Variants in NIPSNAP3B observed in about 807,000 individuals in gnomAD.
The protein encoded by NIPSNAP3B is protein NipSnap homolog 3B.
In NIPSNAP3B, 30 loss-of-function variants were observed where a neutral mutation model predicts 31.5. That is an observed-to-expected ratio of 0.95 (90% CI 0.71 to 1.29). The LOEUF (loss-of-function observed/expected upper bound fraction) is 1.29, where lower values mean the gene tolerates loss of function less well. Among genes scored for constraint, NIPSNAP3B ranks in the 50% most tolerant of loss-of-function variants. NIPSNAP3B has a pLI of 0.00. For synonymous variants in NIPSNAP3B, 106 were observed against 107.9 expected (o/e 0.98, Z 0.11); for missense variants, 269 against 300.7 (o/e 0.89, Z 0.78).
the NIPSNAP3B span, chr9:104,787,811 G>A: frequency 6.2e-7 from 1 of 1,609,764 alleles, no homozygotes; most frequent in Non-Finnish European, 8.5e-7. Context: ...TGCTGTCCCT[G>A]GGGGAAGACA....
At chr9:104,769,103 GAA>G (rs1292720237) in intron 3 of NIPSNAP3B, 82 bp downstream of exon 3, 1 of 974,950 alleles carries the variant, frequency 1.0e-6, no homozygotes, top group Non-Finnish European at 1.5e-6. Flanking sequence ...AGTTCTATAG[GAA>G]AAAAATATAT....
At chr9:104,765,675 GT>G (rs1185930896) in intron 1 of NIPSNAP3B, among the ~76,000 whole-genome samples, 2 of 152,206 alleles carry the variant, frequency 1.3e-5, no homozygotes, top group South Asian at 4.1e-4. Context: ...CATTTGTTGA[GT>G]TTTTTTCCTT....
In NIPSNAP3B at chr9:104,766,422, T is replaced by C. The variant is rs777583472; in HGVS notation, c.158T>C (p.Met53Thr). The change falls in exon 2 of 6, where the codon ATG becomes ACG. Residue 53 changes from methionine (M) to threonine (T), a missense_variant. By Grantham distance (81) the Met-to-Thr change is moderately conservative. Coordinates refer to ENST00000374762, the MANE Select transcript of NIPSNAP3B (RefSeq NM_018376.4). ...AAACCTTCAAATATGAATGCGTTCATGGAAAATCTTAAGAAAAACATTCAT... is the reference window on the plus strand; with the variant it reads ...AAACCTTCAAATATGAATGCGTTCACGGAAAATCTTAAGAAAAACATTCAT... Reference protein sequence around the residue: ...YLKPSNMNAFMENLKKNIHLR... With the variant: ...YLKPSNMNAFTENLKKNIHLR... 6 of 1,613,888 alleles carry C rather than the reference T, an allele frequency of 3.7e-6. No homozygotes were observed. In the South Asian group the frequency reaches 6.6e-5, roughly 18 times the overall value.
At chr9:104,764,379 C>G in intron 1 of NIPSNAP3B, 79 bp downstream of exon 1, 1 of 1,259,656 alleles carries the variant, frequency 7.9e-7, no homozygotes, top group Non-Finnish European at 1.1e-6. Flanking sequence ...GCGTGCGAGC[C>G]ACGCTCAGGC....
chr9:104,786,304 T>G, the NIPSNAP3B span: 2 of 1,613,526 alleles, frequency 1.2e-6, no homozygotes, highest in Non-Finnish European at 8.5e-7. Context: ...TTACCTATTT[T>G]TTAGATGCTG....
At chr9:104,790,297 G>A in the NIPSNAP3B span, among the ~76,000 whole-genome samples, 1 of 152,082 alleles carries the variant, frequency 6.6e-6, no homozygotes, top group South Asian at 2.1e-4. Flanking sequence ...AATTGTTCCT[G>A]AGGAAATAAT....
chr9:104,787,503 G>C, the NIPSNAP3B span, among the ~76,000 whole-genome samples: 1 of 152,094 alleles, frequency 6.6e-6, no homozygotes, highest in African/African-American at 2.4e-5. Flanking sequence ...GAAGAAAAAA[G>C]GTCAAGGGCC....
intron 2 of NIPSNAP3B, 135 bp from the exon 3 acceptor site, chr9:104,768,728 G>C (rs543397681): frequency 1.5e-6 from 1 of 649,434 alleles, no homozygotes; most frequent in Non-Finnish European, 2.6e-6. Flanking sequence ...ATATATTTAT[G>C]TTGGCATCTC....
Position 104,766,310 on chromosome 9 carries a change from T to C in NIPSNAP3B, c.61-15T>C, listed in dbSNP as rs1828087872. On this transcript the variant is annotated splice_polypyrimidine_tract_variant and intron_variant, in intron 1 of 5. Transcript: ENST00000374762. The stretch of plus-strand genomic sequence containing the variant: ...TACCTTCCCAAGATATTTACATTTG[T>C]CTTACCTCCTTCAGGTGTGTTCATC... 6.2e-7 allele frequency: 1 copy of C among 1,607,592 alleles called. No individual in the cohort carries two copies.
intron 1 of NIPSNAP3B, among the ~76,000 whole-genome samples, chr9:104,764,511 T>C (rs1248524409): frequency 6.6e-6 from 1 of 151,828 alleles, no homozygotes; most frequent in African/African-American, 2.4e-5. Context: ...GTCAGAGGGG[T>C]TTTCTAACTG....
chr9:104,790,108 A>AG, the NIPSNAP3B span, among the ~76,000 whole-genome samples: 1 of 151,798 alleles, frequency 6.6e-6, no homozygotes, highest in Middle Eastern at 3.4e-3. Flanking sequence ...AAAAAAAAAA[A>AG]GCCCAGAGAA....
chr9:104,766,647 A>C (rs1828097055), intron 2 of NIPSNAP3B, 112 bp downstream of exon 2: 2 of 1,069,356 alleles, frequency 1.9e-6, no homozygotes, highest in Non-Finnish European at 2.8e-6. Context: ...GTTAAGTAAG[A>C]CTTTTTAAAA....
the NIPSNAP3B span, chr9:104,786,249 T>C: frequency 2.8e-6 from 4 of 1,422,378 alleles, no homozygotes; most frequent in Admixed American, 5.0e-5. Context: ...AAAGAATAAA[T>C]ATCAAGCCTT....
At chr9:104,784,386 G>A in the NIPSNAP3B span, 1 of 1,614,036 alleles carries the variant, frequency 6.2e-7, no homozygotes, top group Non-Finnish European at 8.5e-7. Context: ...ACTACTGTCT[G>A]GTTTTTGTGT....
chr9:104,786,883 T>A, the NIPSNAP3B span: 17 of 1,613,708 alleles, frequency 1.1e-5, no homozygotes, highest in Non-Finnish European at 1.4e-5. Flanking sequence ...CTATGAGATG[T>A]AAGCACTACT....
At chr9:104,786,214 TA>T in the NIPSNAP3B span, 8 of 1,166,898 alleles carry the variant, frequency 6.9e-6, no homozygotes, top group Non-Finnish European at 1.0e-5. Context: ...CCCTTTATGT[TA>T]GAGGCACCAT....
At chr9:104,787,077 T>A in the NIPSNAP3B span, 1 of 926,732 alleles carries the variant, frequency 1.1e-6, no homozygotes, top group Non-Finnish European at 1.7e-6. Flanking sequence ...GCTTAAATTT[T>A]AACTTGCCAT....
chr9:104,771,026 T>A (rs747588855), intron 4 of NIPSNAP3B, 28 bp downstream of exon 4: 1 of 1,609,620 alleles, frequency 6.2e-7, no homozygotes, highest in South Asian at 1.1e-5. Flanking sequence ...TTCTATGAAG[T>A]TGCCATGTGT....
In NIPSNAP3B at chr9:104,775,045, G is replaced by A. The variant is rs1463787271; in HGVS notation, c.*1972G>A. ...TCCTTTCACTGTGGATGAACCGCCCGTGCCCCAAGCAAAGACAAACCCTCC... is the reference window on the plus strand; with the variant it reads ...TCCTTTCACTGTGGATGAACCGCCCATGCCCCAAGCAAAGACAAACCCTCC... On this transcript the variant is annotated 3_prime_UTR_variant, in exon 6 of 6. Coordinates refer to ENST00000374762, the MANE Select transcript of NIPSNAP3B (RefSeq NM_018376.4). 2.0e-5 allele frequency among the ~76,000 whole-genome samples: 3 copies of A among 151,826 alleles called. No individual in the cohort carries two copies. Among genetic ancestry groups the A allele is most frequent in the South Asian group, 2.1e-4 (1 of 4,806 alleles).
Sources: gnomAD v4.1 joint callset for allele counts (sites outside exome capture counted in the v4.1 genomes callset) on GRCh38, gnomAD v4.1.1 for gene constraint, MANE v1.5 for transcripts, NCBI Gene and HGNC (gene_info 2026-07-23, HGNC 2026-07-21) for gene names.